CEP57L1: variants seen among roughly 807,000 people sequenced by gnomAD.
CEP57L1 encodes centrosomal protein 57 like 1.
Under a neutral mutation model 61.0 loss-of-function variants are expected in CEP57L1, and 37 were observed. The observed-to-expected ratio is 0.61, with a 90% CI of 0.47 to 0.80. CEP57L1 has a LOEUF of 0.80. Ranked by LOEUF, CEP57L1 falls within the 30% of genes least tolerant of loss-of-function variation. The probability of loss-of-function intolerance (pLI) is 0.00; values close to 1 mark genes in which losing one functional copy is unlikely to be tolerated. For synonymous variants in CEP57L1, 137 were observed against 162.3 expected (o/e 0.84, Z 1.19); for missense variants, 422 against 524.7 (o/e 0.80, Z 1.91).
At chr6:109,101,167 G>A (rs544095906) in intron 1 of CEP57L1, among the ~76,000 whole-genome samples, 1 of 152,278 alleles carries the variant, frequency 6.6e-6, no homozygotes, top group African/African-American at 2.4e-5. Flanking sequence ...TAGATGTTAT[G>A]GAATTTAGAA....
chr6:109,102,879 A>G (rs1191907335), intron 1 of CEP57L1, among the ~76,000 whole-genome samples: 1 of 152,164 alleles, frequency 6.6e-6, no homozygotes, highest in Non-Finnish European at 1.5e-5. Context: ...GGAGAACTTT[A>G]TCTGGAATGT....
At chr6:109,135,443 C>T (rs1774750072) in intron 1 of CEP57L1, among the ~76,000 whole-genome samples, 2 of 152,150 alleles carry the variant, frequency 1.3e-5, no homozygotes, top group Non-Finnish European at 2.9e-5. Flanking sequence ...AAATGTTAGA[C>T]CTAAAACCAT....
At chr6:109,157,287 A>G (rs1302058835) in intron 7 of CEP57L1, 2 of 152,210 alleles carry the variant, frequency 1.3e-5, no homozygotes, top group Non-Finnish European at 2.9e-5. Flanking sequence ...AGAAGCCTCT[A>G]TGAGAGATCT....
In CEP57L1 at chr6:109,153,805, G is replaced by A. The variant is rs773585830; in HGVS notation, c.463-28G>A. On this transcript the variant is annotated intron_variant, in intron 4 of 10. Transcript: ENST00000517392. ...ATTGGCATTACTTGCCAAATTCAGG[G>A]TTGCTATTTTATTTTTATCCTTTCT... The A allele has an allele frequency of 3.7e-6, 5 of 1,359,168 alleles. No individual in the cohort carries two copies. In the East Asian group the frequency reaches 6.9e-5, roughly 19 times the overall value. The allele number at this position is 1,359,168 out of a possible 1,614,324, so 84.2% of individuals were successfully genotyped here.
chr6:109,114,351 A>C (rs149199034), intron 1 of CEP57L1, among the ~76,000 whole-genome samples: 2 of 152,292 alleles, frequency 1.3e-5, no homozygotes, highest in Non-Finnish European at 2.9e-5. Context: ...GGCCATTTGT[A>C]TGCCTTCTTT....
At chr6:109,104,653 C>A (rs943056001) in intron 1 of CEP57L1, among the ~76,000 whole-genome samples, 1 of 151,878 alleles carries the variant, frequency 6.6e-6, no homozygotes. Context: ...ACAATCACAG[C>A]CCACTGCAAG....
At chr6:109,123,006 A>G (rs1434450761) in intron 1 of CEP57L1, among the ~76,000 whole-genome samples, 1 of 152,176 alleles carries the variant, frequency 6.6e-6, no homozygotes, top group East Asian at 1.9e-4. Context: ...TGATATATTT[A>G]TGGGCCGTAT....
chr6:109,115,533 C>T (rs985438017), intron 1 of CEP57L1, among the ~76,000 whole-genome samples: 1 of 152,000 alleles, frequency 6.6e-6, no homozygotes, highest in Non-Finnish European at 1.5e-5. Flanking sequence ...TCGGTGTGTG[C>T]ACTCAGGGAA....
intron 3 of CEP57L1, among the ~76,000 whole-genome samples, chr6:109,149,190 T>G (rs1298798078): frequency 6.6e-6 from 1 of 152,242 alleles, no homozygotes; most frequent in African/African-American, 2.4e-5. Context: ...ATGAAGTCCT[T>G]GCCCATGCCT....
chr6:109,095,459 C>T (rs1781571269), upstream of CEP57L1: 1 of 985,698 alleles, frequency 1.0e-6, no homozygotes. Context: ...TCGATGCTGC[C>T]GGCGCGTTTT....
chr6:109,137,159 C>CT (rs1215920835), intron 1 of CEP57L1, among the ~76,000 whole-genome samples: 1 of 151,822 alleles, frequency 6.6e-6, no homozygotes, highest in Non-Finnish European at 1.5e-5. Context: ...ATGTTTAAAC[C>CT]TTTTTTGTTT....
In CEP57L1 at chr6:109,170,683, T is replaced by G. The variant is rs1418857015; in HGVS notation, c.*7713T>G. ...CTTAAAATTAAATTTTAAAAAGCTC[T>G]CGAGAAGTCTGTGGAACATTTATGG... On this transcript the variant is annotated 3_prime_UTR_variant, in exon 11 of 11. Coordinates refer to ENST00000517392, the MANE Select transcript of CEP57L1 (RefSeq NM_001271852.3). 2.0e-5 allele frequency among the ~76,000 whole-genome samples: 3 copies of G among 152,196 alleles called. No homozygotes were observed. The highest frequency in any genetic ancestry group is 2.0e-4 in the Admixed American group (3 of 15,282).
At chr6:109,122,425 TTG>T (rs1773081529) in intron 1 of CEP57L1, among the ~76,000 whole-genome samples, 1 of 152,138 alleles carries the variant, frequency 6.6e-6, no homozygotes, top group Non-Finnish European at 1.5e-5. Context: ...AGGCTCTTAT[TTG>T]GGGTATTTTG....
chr6:109,101,116 A>G (rs769452767), intron 1 of CEP57L1, among the ~76,000 whole-genome samples: 10 of 151,932 alleles, frequency 6.6e-5, no homozygotes, highest in Non-Finnish European at 1.5e-4. Context: ...TAGGAAAAAA[A>G]CAAAACAAAA....
intron 1 of CEP57L1, among the ~76,000 whole-genome samples, chr6:109,108,938 C>T (rs1771248364): frequency 6.6e-6 from 1 of 152,158 alleles, no homozygotes; most frequent in Non-Finnish European, 1.5e-5. Flanking sequence ...TGATTATTTA[C>T]TAAATCAAGT....
At chr6:109,107,962 A>G (rs1180299358) in intron 1 of CEP57L1, among the ~76,000 whole-genome samples, 2 of 152,146 alleles carry the variant, frequency 1.3e-5, no homozygotes, top group Non-Finnish European at 2.9e-5. Flanking sequence ...AAGAAAAAAT[A>G]AGTTCATGTT....
chr6:109,138,944 A>C (rs1315497418), intron 1 of CEP57L1, among the ~76,000 whole-genome samples: 1 of 152,144 alleles, frequency 6.6e-6, no homozygotes, highest in Admixed American at 6.5e-5. Flanking sequence ...CAACCTCAGC[A>C]TGTGATTTTT....
chr6:109,137,765 A>G (rs1770907621), intron 1 of CEP57L1, among the ~76,000 whole-genome samples: 2 of 152,246 alleles, frequency 1.3e-5, no homozygotes, highest in Non-Finnish European at 2.9e-5. Context: ...CAAATCACCC[A>G]AGGCCCATGC....
intron 4 of CEP57L1, among the ~76,000 whole-genome samples, chr6:109,152,368 G>T (rs530374978): frequency 2.1e-4 from 32 of 152,006 alleles, no homozygotes; most frequent in Non-Finnish European, 3.7e-4. Flanking sequence ...TTTTAGTAGA[G>T]ACAGGGTTTT....
Sources: gnomAD v4.1 joint callset for allele counts (sites outside exome capture counted in the v4.1 genomes callset) on GRCh38, gnomAD v4.1.1 for gene constraint, MANE v1.5 for transcripts, NCBI Gene and HGNC (gene_info 2026-07-23, HGNC 2026-07-21) for gene names.